Variants in FHIT observed in about 807,000 individuals in gnomAD.
FHIT encodes fragile histidine triad diadenosine triphosphatase.
A neutral mutation model predicts 17.9 loss-of-function variants in FHIT; 19 were observed. The observed-to-expected ratio is 1.06, with a 90% CI of 0.74 to 1.56. The LOEUF (loss-of-function observed/expected upper bound fraction) is 1.56, where lower values mean the gene tolerates loss of function less well. FHIT is among the 40% of genes most tolerant of loss of function. The pLI, the probability that FHIT is intolerant of heterozygous loss-of-function variation, is 0.00. For synonymous variants in FHIT, 81 were observed against 69.7 expected (o/e 1.16, Z -0.81); for missense variants, 248 against 189.2 (o/e 1.31, Z -1.82).
chr3:60,382,670 C>A (rs1462169211), intron 5 of FHIT, among the ~76,000 whole-genome samples: 1 of 152,136 alleles, frequency 6.6e-6, no homozygotes, highest in African/African-American at 2.4e-5. Context: ...CCTGATAGAA[C>A]CCAATAATCT....
chr3:60,363,011 A>G (rs557906822), intron 5 of FHIT, among the ~76,000 whole-genome samples: 2 of 152,318 alleles, frequency 1.3e-5, no homozygotes, highest in South Asian at 2.1e-4. Flanking sequence ...ATTGAAAAGG[A>G]AAGACGCTGT....
At chr3:60,841,577 T>A (rs936405346) in intron 3 of FHIT, among the ~76,000 whole-genome samples, 1 of 152,192 alleles carries the variant, frequency 6.6e-6, no homozygotes, top group Non-Finnish European at 1.5e-5. Flanking sequence ...ACTGGACAAA[T>A]AACAGATATT....
chr3:61,156,891 C>A (rs1444813781), intron 2 of FHIT, among the ~76,000 whole-genome samples: 2 of 152,166 alleles, frequency 1.3e-5, no homozygotes, highest in Admixed American at 6.5e-5. Context: ...ACCTTACAAT[C>A]CTCTAGAGAT....
intron 5 of FHIT, among the ~76,000 whole-genome samples, chr3:60,468,458 G>C (rs1052782867): frequency 6.6e-6 from 1 of 151,526 alleles, no homozygotes; most frequent in Non-Finnish European, 1.5e-5. Context: ...ATTTTTTCTA[G>C]ATCTGTTTTA....
chr3:60,282,496 A>G lies in FHIT; in HGVS notation c.103+254364T>C, dbSNP rs182872605. On this transcript the variant is annotated intron_variant, in intron 5 of 9. Coordinates refer to ENST00000492590, the MANE Select transcript of FHIT (RefSeq NM_002012.4). ...TATACGAAACTGTAATGGTGGATAC[A>G]CGACAATATGCATCTGTAAAACTCC... 3.9e-4 allele frequency among the ~76,000 whole-genome samples: 59 copies of G among 152,294 alleles called. 1 individual carries two copies. The highest frequency in any genetic ancestry group is 1.8e-3 in the Admixed American group (27 of 15,292).
intron 3 of FHIT, among the ~76,000 whole-genome samples, chr3:60,961,335 T>C (rs1310886050): frequency 6.6e-6 from 1 of 152,256 alleles, no homozygotes; most frequent in Admixed American, 6.5e-5. Context: ...ATTAGCCCTT[T>C]GTCAGATGCG....
intron 5 of FHIT, among the ~76,000 whole-genome samples, chr3:60,139,118 A>C (rs909032474): frequency 1.3e-5 from 2 of 152,162 alleles, no homozygotes; most frequent in Admixed American, 1.3e-4. Context: ...AAGTGCATCT[A>C]ACTGGCAAAC....
At chr3:60,139,746 G>C (rs533736266) in intron 5 of FHIT, among the ~76,000 whole-genome samples, 2 of 150,428 alleles carry the variant, frequency 1.3e-5, no homozygotes, top group East Asian at 1.9e-4. Flanking sequence ...ATTACGTCCC[G>C]AGGTTCCTTC....
At chr3:60,095,352 A>T (rs1171555831) in intron 5 of FHIT, among the ~76,000 whole-genome samples, 1 of 152,162 alleles carries the variant, frequency 6.6e-6, no homozygotes, top group East Asian at 1.9e-4. Flanking sequence ...GTTTTACCAA[A>T]CCTTCTCTAT....
intron 5 of FHIT, among the ~76,000 whole-genome samples, chr3:60,487,450 A>G (rs773309845): frequency 1.3e-5 from 2 of 152,202 alleles, no homozygotes; most frequent in Non-Finnish European, 2.9e-5. Flanking sequence ...CATGAAAGCA[A>G]CAATTGAGAG....
chr3:60,361,100 T>A (rs139798185), intron 5 of FHIT, among the ~76,000 whole-genome samples: 1 of 152,354 alleles, frequency 6.6e-6, no homozygotes, highest in East Asian at 1.9e-4. Context: ...ATTCATCCGT[T>A]CATCCAATAA....
chr3:60,275,674 A>G (rs1218014687), intron 5 of FHIT, among the ~76,000 whole-genome samples: 2 of 152,164 alleles, frequency 1.3e-5, no homozygotes, highest in Non-Finnish European at 2.9e-5. Flanking sequence ...TGGTTGGCAC[A>G]TAATATGTGA....
chr3:60,580,798 G>A (rs772703440), intron 4 of FHIT, among the ~76,000 whole-genome samples: 13 of 152,046 alleles, frequency 8.6e-5, no homozygotes, highest in Non-Finnish European at 1.8e-4. Context: ...GAGGCTGTCT[G>A]GAGTAATTAG....
At chr3:60,038,222 T>A (rs1317814717) in intron 5 of FHIT, among the ~76,000 whole-genome samples, 1 of 152,212 alleles carries the variant, frequency 6.6e-6, no homozygotes, top group East Asian at 1.9e-4. Flanking sequence ...TGAAAGGGTT[T>A]ATTATTTTAT....
At chr3:60,022,513 C>A (rs891664964) in intron 5 of FHIT, among the ~76,000 whole-genome samples, 1 of 152,186 alleles carries the variant, frequency 6.6e-6, no homozygotes, top group Non-Finnish European at 1.5e-5. Flanking sequence ...AGACAGGCAG[C>A]AATGCTTTGC....
chr3:60,021,209 T>C (rs1211669005), intron 5 of FHIT, among the ~76,000 whole-genome samples: 1 of 152,196 alleles, frequency 6.6e-6, no homozygotes, highest in African/African-American at 2.4e-5. Context: ...TGGGATATGC[T>C]TTGGGTCAGA....
chr3:60,530,519 C>G (rs538424355), intron 5 of FHIT, among the ~76,000 whole-genome samples: 2 of 152,108 alleles, frequency 1.3e-5, no homozygotes, highest in Admixed American at 6.6e-5. Context: ...AGTCTCGGCT[C>G]CAGAAACAAA....
At chr3:61,186,100 T>C (rs1332643249) in intron 2 of FHIT, among the ~76,000 whole-genome samples, 2 of 152,234 alleles carry the variant, frequency 1.3e-5, no homozygotes, top group East Asian at 3.8e-4. Flanking sequence ...TCACTACTTC[T>C]TAAGCATCTG....
intron 2 of FHIT, among the ~76,000 whole-genome samples, chr3:61,085,044 C>T (rs1229461003): frequency 6.6e-6 from 1 of 152,144 alleles, no homozygotes; most frequent in East Asian, 1.9e-4. Flanking sequence ...ATTGCTTACC[C>T]ATTTACCAAT....
Sources: gnomAD v4.1 joint callset for allele counts (sites outside exome capture counted in the v4.1 genomes callset) on GRCh38, gnomAD v4.1.1 for gene constraint, MANE v1.5 for transcripts, NCBI Gene and HGNC (gene_info 2026-07-23, HGNC 2026-07-21) for gene names.